The following UBE2Q2 variants were observed in gnomAD, a reference collection of about 807,000 sequenced individuals.
UBE2Q2 encodes the protein ubiquitin conjugating enzyme E2 Q2, also known as ubiquitin-conjugating enzyme E2 Q2.
In UBE2Q2, 54 loss-of-function variants were observed where a neutral mutation model predicts 59.9. That is an observed-to-expected ratio of 0.90 (90% CI 0.72 to 1.13). The LOEUF is 1.13. Among genes scored for constraint, UBE2Q2 ranks in the 50% most tolerant of loss-of-function variants. UBE2Q2 has a pLI of 0.00. For synonymous variants in UBE2Q2, 165 were observed against 155.2 expected (o/e 1.06, Z -0.47); for missense variants, 433 against 441.9 (o/e 0.98, Z 0.18).
intron 4 of UBE2Q2, 120 bp downstream of exon 4, chr15:75,869,130 T>G: frequency 1.2e-6 from 1 of 824,528 alleles, no homozygotes; most frequent in East Asian, 2.9e-5. Context: ...ACATTGTGTT[T>G]GGAATGGAAT....
At chr15:75,888,938 CT>C (rs1898942054) in intron 9 of UBE2Q2, among the ~76,000 whole-genome samples, 1 of 152,118 alleles carries the variant, frequency 6.6e-6, no homozygotes. Flanking sequence ...TGTAGACTTC[CT>C]TTTCCCGAAA....
At chr15:75,865,289 T>C (rs1461689889) in intron 3 of UBE2Q2, among the ~76,000 whole-genome samples, 2 of 152,260 alleles carry the variant, frequency 1.3e-5, no homozygotes, top group Non-Finnish European at 2.9e-5. Context: ...AATCATACTG[T>C]ATGTATTTTT....
intron 12 of UBE2Q2, among the ~76,000 whole-genome samples, chr15:75,899,052 T>A (rs1899596338): frequency 6.7e-6 from 1 of 148,754 alleles, no homozygotes; most frequent in Admixed American, 6.7e-5. Context: ...CCTGAGGTCA[T>A]TAGTTGGAGA....
At position 75,890,956 on chromosome 15, in the gene UBE2Q2, T is replaced by C; in HGVS notation, c.971T>C (p.Met324Thr). The C allele has an allele frequency of 6.2e-7, 1 of 1,612,564 alleles. No individual in the cohort carries two copies. The highest frequency in any genetic ancestry group is 8.5e-7 in the Non-Finnish European group (1 of 1,179,932). ...SSAYSIESVI[M>T]QINATLVKGK... Reference sequence around the variant, plus strand: ...GCCTACTCAATAGAATCGGTCATCATGCAAATAAATGCCACCTTAGTCAAA... The same window carrying C: ...GCCTACTCAATAGAATCGGTCATCACGCAAATAAATGCCACCTTAGTCAAA... The change falls in exon 11 of 13, where the codon ATG becomes ACG. Residue 324 changes from methionine (M) to threonine (T), a missense_variant. Met to Thr is a moderately conservative substitution (Grantham distance 81, BLOSUM62 -1). Coordinates refer to ENST00000267938, the MANE Select transcript of UBE2Q2 (RefSeq NM_173469.4).
At chr15:75,850,977 A>G (rs926048488) in intron 1 of UBE2Q2, among the ~76,000 whole-genome samples, 23 of 152,186 alleles carry the variant, frequency 1.5e-4, no homozygotes, top group Non-Finnish European at 2.6e-4. Context: ...ATTTTTTGCA[A>G]ATTTCATTGA....
chr15:75,890,751 GT>G (rs1025560837), intron 10 of UBE2Q2, among the ~76,000 whole-genome samples, 167 bp from the exon 11 acceptor site: 1 of 150,360 alleles, frequency 6.7e-6, no homozygotes, highest in Non-Finnish European at 1.5e-5. Context: ...TTGGTTTGTT[GT>G]TTTTTTTTGT....
chr15:75,843,574 G>C lies in UBE2Q2; in HGVS notation c.-93G>C. 1 of 1,099,856 alleles carries C rather than the reference G, an allele frequency of 9.1e-7. No individual in the cohort carries two copies. The highest frequency in any genetic ancestry group is 1.2e-6 in the Non-Finnish European group (1 of 827,140). The allele number at this position is 1,099,856 out of a possible 1,614,324, so 68.1% of individuals were successfully genotyped here. On this transcript the variant is annotated 5_prime_UTR_variant, in exon 1 of 13. Transcript: ENST00000267938. ...GAGCGCGGCCCAGGCCGGCCCCGCGGGGCGGTCGCGGCCGTGACGGCGGCT... is the reference window on the plus strand; with the variant it reads ...GAGCGCGGCCCAGGCCGGCCCCGCGCGGCGGTCGCGGCCGTGACGGCGGCT...
intron 11 of UBE2Q2, among the ~76,000 whole-genome samples, chr15:75,895,483 G>A (rs778993915): frequency 3.3e-5 from 5 of 151,722 alleles, no homozygotes; most frequent in Non-Finnish European, 5.9e-5. Flanking sequence ...GTGCCTGGCC[G>A]GCTTTACTAT....
intron 3 of UBE2Q2, 63 bp downstream of exon 3, chr15:75,860,045 A>G (rs1897130981): frequency 8.5e-7 from 1 of 1,175,318 alleles, no homozygotes; most frequent in Non-Finnish European, 1.2e-6. Context: ...AAGTCAAACT[A>G]GGATGATTTT....
chr15:75,874,371 C>T (rs911883573), intron 5 of UBE2Q2, among the ~76,000 whole-genome samples: 3 of 151,688 alleles, frequency 2.0e-5, no homozygotes, highest in Admixed American at 2.0e-4. Context: ...GCAGCTTCCA[C>T]CTCCCAGGTT....
chr15:75,873,420 C>G lies in UBE2Q2; in HGVS notation c.448-8C>G, dbSNP rs1567030434. 4 of 1,585,760 alleles carry G rather than the reference C, an allele frequency of 2.5e-6. No individual in the cohort carries two copies. Among genetic ancestry groups the G allele is most frequent in the Admixed American group, 3.8e-5 (2 of 52,354 alleles). On this transcript the variant is annotated splice_region_variant and splice_polypyrimidine_tract_variant and intron_variant, in intron 4 of 12. Coordinates refer to ENST00000267938, the MANE Select transcript of UBE2Q2 (RefSeq NM_173469.4). ...TTGAATAAGCTAACATTTTTCGTCT[C>G]TTTGTAGGATATAGAAGACTTAGAT...
At chr15:75,844,493 T>G (rs962006855) in intron 1 of UBE2Q2, 1 of 1,551,150 alleles carries the variant, frequency 6.4e-7, no homozygotes, top group African/African-American at 1.4e-5. Flanking sequence ...CAGGTGGTGT[T>G]GAGTGTGTAT....
intron 3 of UBE2Q2, among the ~76,000 whole-genome samples, chr15:75,867,797 A>G (rs1340071948): frequency 6.6e-6 from 1 of 152,200 alleles, no homozygotes; most frequent in Non-Finnish European, 1.5e-5. Context: ...ATGCTCTTTC[A>G]ATCGTTGATG....
chr15:75,897,901 A>G (rs1029035281), intron 12 of UBE2Q2, among the ~76,000 whole-genome samples: 15 of 152,068 alleles, frequency 9.9e-5, no homozygotes, highest in Non-Finnish European at 1.5e-4. Flanking sequence ...GTGCTCATTT[A>G]TTTTAATGAC....
chr15:75,868,628 G>A (rs1237739439), intron 3 of UBE2Q2, among the ~76,000 whole-genome samples: 7 of 152,122 alleles, frequency 4.6e-5, no homozygotes, highest in Admixed American at 2.6e-4. Flanking sequence ...TATGCATATA[G>A]CCATATAAGT....
chr15:75,888,551 A>T (rs573043041), intron 9 of UBE2Q2, among the ~76,000 whole-genome samples: 11 of 152,086 alleles, frequency 7.2e-5, no homozygotes, highest in Non-Finnish European at 1.6e-4. Context: ...TTTCCTTAGT[A>T]TTCTTGAACT....
intron 8 of UBE2Q2, among the ~76,000 whole-genome samples, chr15:75,881,644 T>G (rs1262127038): frequency 6.6e-6 from 1 of 152,196 alleles, no homozygotes; most frequent in African/African-American, 2.4e-5. Context: ...CAGAAAGATT[T>G]GCAGGAAAGA....
intron 4 of UBE2Q2, 147 bp from the exon 5 acceptor site, chr15:75,873,281 T>TG: frequency 1.7e-6 from 1 of 580,918 alleles, no homozygotes; most frequent in East Asian, 3.3e-5. Flanking sequence ...GAATGGAATG[T>TG]GGGGGCTTTT....
chr15:75,860,265 T>A (rs75535146), intron 3 of UBE2Q2, among the ~76,000 whole-genome samples: 1,797 of 152,286 alleles, frequency 0.012, 30 homozygotes, highest in African/African-American at 0.041. Context: ...TCTTTCATAG[T>A]TTGTCTTTGG....
Sources: allele counts gnomAD v4.1 joint callset (sites outside exome capture counted in the v4.1 genomes callset), GRCh38; gene constraint gnomAD v4.1.1; transcripts MANE v1.5; gene names NCBI Gene and HGNC (gene_info 2026-07-23, HGNC 2026-07-21).